The following GALNT16 variants were observed in gnomAD, a reference collection of about 807,000 sequenced individuals.
GALNT16 encodes polypeptide N-acetylgalactosaminyltransferase 16, also known as UDP-GalNAc:polypeptide N-acetylgalactosaminyltransferase-like protein 1.
In GALNT16, 40 loss-of-function variants were observed where a neutral mutation model predicts 76.1. The ratio of observed to expected loss-of-function variants is 0.53; its 90% confidence interval spans 0.41 to 0.68. The LOEUF is 0.68. Among genes scored for constraint, GALNT16 ranks in the 30% least tolerant of loss-of-function variants. The pLI is 0.00. For missense variants in GALNT16, 621 were observed against 731.9 expected (o/e 0.85, Z 1.75); for synonymous variants, 276 against 285.2 (o/e 0.97, Z 0.32).
At chr14:69,368,252 C>T in the GALNT16 span, among the ~76,000 whole-genome samples, 1 of 152,166 alleles carries the variant, frequency 6.6e-6, no homozygotes, top group East Asian at 1.9e-4. Flanking sequence ...AAAAAATTAC[C>T]CCACAATTTA....
At chr14:69,385,388 G>A in the GALNT16 span, among the ~76,000 whole-genome samples, 1 of 151,912 alleles carries the variant, frequency 6.6e-6, no homozygotes, top group Admixed American at 6.6e-5. Context: ...TTCAAATGAT[G>A]TCCTTGCTCC....
chr14:69,344,253 C>G (rs771931631), intron 12 of GALNT16, among the ~76,000 whole-genome samples: 1 of 152,258 alleles, frequency 6.6e-6, no homozygotes, highest in Admixed American at 6.5e-5. Flanking sequence ...TTATTACTTG[C>G]ATTAGGACTA....
intron 1 of GALNT16, among the ~76,000 whole-genome samples, chr14:69,269,194 G>A (rs1209881408): frequency 6.6e-6 from 1 of 152,138 alleles, no homozygotes; most frequent in Non-Finnish European, 1.5e-5. Context: ...TTCCTAAGGA[G>A]GTAAGTGTAG....
intron 1 of GALNT16, among the ~76,000 whole-genome samples, chr14:69,308,228 C>G (rs1566874020): frequency 2.6e-5 from 4 of 151,224 alleles, no homozygotes; most frequent in Non-Finnish European, 3.0e-5. Context: ...ATCCTTTTAT[C>G]TTAGGTAGAG....
rs2044273115 is a variant in GALNT16, at chr14:69,261,557, TTCCGACAAGGAA to T, written c.177+1091_177+1102del. 6.6e-6 allele frequency among the ~76,000 whole-genome samples: 1 copy of T among 150,552 alleles called. No homozygotes were observed. The highest frequency in any genetic ancestry group is 2.5e-5 in the African/African-American group (1 of 40,756). Reference sequence around the variant, plus strand: ...GTAAAGGAGTGAGGAAGCGTGGCGATTCCGACAAGGAAAGATCTGGGCCTGGGGGTGGAGGGG... The same window carrying T: ...GTAAAGGAGTGAGGAAGCGTGGCGATAGATCTGGGCCTGGGGGTGGAGGGG... On this transcript the variant is annotated intron_variant, in intron 1 of 14. Transcript: ENST00000448469. This position sits in a 1 kb window ranked among gnomAD's most constrained non-coding sequence, Gnocchi z 6.4.
chr14:69,369,746 G>A, the GALNT16 span, among the ~76,000 whole-genome samples: 1 of 152,186 alleles, frequency 6.6e-6, no homozygotes. Context: ...ATTAGGAACA[G>A]TCTAAAGTTA....
chr14:69,380,328 T>TAA, the GALNT16 span: 71 of 359,668 alleles, frequency 2.0e-4, no homozygotes, highest in South Asian at 4.6e-4. Flanking sequence ...AATGTTTAAG[T>TAA]AAAAAAAAAA....
the GALNT16 span, among the ~76,000 whole-genome samples, chr14:69,377,474 A>AG: frequency 6.6e-6 from 1 of 152,194 alleles, no homozygotes; most frequent in Non-Finnish European, 1.5e-5. Context: ...TGGCAATACT[A>AG]GTATCATTAT....
At chr14:69,312,008 G>A (rs537374758) in intron 1 of GALNT16, among the ~76,000 whole-genome samples, 25 of 149,662 alleles carry the variant, frequency 1.7e-4, no homozygotes, top group African/African-American at 3.2e-4. Flanking sequence ...TTTGAGACCC[G>A]CCTAGCGTAA....
At chr14:69,362,315 C>CT in the GALNT16 span, among the ~76,000 whole-genome samples, 2 of 152,266 alleles carry the variant, frequency 1.3e-5, no homozygotes, top group Admixed American at 1.3e-4. Context: ...TCGTTTTGAG[C>CT]TTGTTCAGAC....
At chr14:69,275,324 A>G (rs2044458134) in intron 1 of GALNT16, among the ~76,000 whole-genome samples, 1 of 152,196 alleles carries the variant, frequency 6.6e-6, no homozygotes, top group Non-Finnish European at 1.5e-5. Context: ...AGGACCACCC[A>G]CTTGGGATGG....
the GALNT16 span, among the ~76,000 whole-genome samples, chr14:69,382,664 TC>T: frequency 2.1e-5 from 3 of 144,670 alleles, no homozygotes; most frequent in Non-Finnish European, 4.6e-5. Context: ...AAACCCCGTC[TC>T]CACCAAAAAA....
intron 1 of GALNT16, among the ~76,000 whole-genome samples, chr14:69,300,238 G>A (rs1337479342): frequency 1.3e-5 from 2 of 152,188 alleles, no homozygotes; most frequent in Non-Finnish European, 2.9e-5. Flanking sequence ...ACACACATGT[G>A]CTCTGATACA....
intron 1 of GALNT16, among the ~76,000 whole-genome samples, chr14:69,315,780 GAGA>G (rs1202429617): frequency 3.9e-5 from 6 of 151,978 alleles, no homozygotes; most frequent in African/African-American, 1.2e-4. Context: ...TTGGTCACTA[GAGA>G]AGAACACCCA....
chr14:69,346,170 A>T (rs2045561791), intron 12 of GALNT16, among the ~76,000 whole-genome samples: 1 of 152,146 alleles, frequency 6.6e-6, no homozygotes, highest in Non-Finnish European at 1.5e-5. Flanking sequence ...CTGGGATTAC[A>T]GGTGTGGGCT....
intron 13 of GALNT16, among the ~76,000 whole-genome samples, chr14:69,347,550 C>T (rs749098680): frequency 8.5e-5 from 13 of 152,160 alleles, no homozygotes; most frequent in Admixed American, 1.3e-4. Flanking sequence ...GTCATGGAGA[C>T]TCCAGTGAGG....
downstream of GALNT16, chr14:69,355,193 C>T (rs537627317): frequency 2.6e-5 from 4 of 152,442 alleles, no homozygotes; most frequent in South Asian, 2.1e-4. Context: ...CTGCCCTCAG[C>T]CCCACTTTGC....
the GALNT16 span, among the ~76,000 whole-genome samples, chr14:69,374,448 C>T: frequency 2.0e-5 from 3 of 152,330 alleles, no homozygotes; most frequent in South Asian, 4.1e-4. Context: ...TTACTGTTCA[C>T]CTACTATATA....
chr14:69,295,981 C>T (rs1469255064), intron 1 of GALNT16, among the ~76,000 whole-genome samples: 1 of 152,122 alleles, frequency 6.6e-6, no homozygotes, highest in Non-Finnish European at 1.5e-5. Flanking sequence ...TCAGTCCATT[C>T]TTGGATTGCT....
Sources: gnomAD v4.1 joint callset for allele counts (sites outside exome capture counted in the v4.1 genomes callset) on GRCh38, gnomAD v4.1.1 for gene constraint, Gnocchi (gnomAD v3.1) non-coding constraint, MANE v1.5 for transcripts, NCBI Gene and HGNC (gene_info 2026-07-23, HGNC 2026-07-21) for gene names.